Variants in CCDC15 observed in about 807,000 individuals in gnomAD.
CCDC15 encodes coiled-coil domain-containing protein 15.
In CCDC15, 105 loss-of-function variants were observed where a neutral mutation model predicts 114.5. The observed-to-expected ratio is 0.92, with a 90% confidence interval of 0.78 to 1.08. CCDC15 has a LOEUF of 1.08. Among genes scored for constraint, CCDC15 ranks in the 50% least tolerant of loss-of-function variants. The pLI, the probability that CCDC15 is intolerant of heterozygous loss-of-function variation, is 0.00. For synonymous variants in CCDC15, 334 were observed against 377.8 expected (o/e 0.88, Z 1.34); for missense variants, 1,105 against 1,093.6 (o/e 1.01, Z -0.15).
intron 13 of CCDC15, among the ~76,000 whole-genome samples, chr11:125,033,998 G>C (rs1380808768): frequency 6.6e-6 from 1 of 152,194 alleles, no homozygotes; most frequent in Admixed American, 6.5e-5. Context: ...CTAGGAGCCT[G>C]CTAGGACTTT....
At chr11:124,986,700 T>TGTGTGCGCGCGCGC (rs878887902) in intron 6 of CCDC15, 42 bp from the exon 7 acceptor site, 18 of 1,352,952 alleles carry the variant, frequency 1.3e-5, no homozygotes, top group African/African-American at 1.3e-4. Context: ...TTTGTGTGTG[T>TGTGTGCGCGCGCGC]GCGCGCGCGC....
At chr11:125,029,721 G>GT (rs957216416) in intron 13 of CCDC15, among the ~76,000 whole-genome samples, 2 of 152,070 alleles carry the variant, frequency 1.3e-5, no homozygotes, top group African/African-American at 4.8e-5. Flanking sequence ...GAGAGTCTTG[G>GT]TTTTTTTCCT....
At position 124,988,029 on chromosome 11, in the gene CCDC15, C is replaced by T. The variant is rs370955511; in HGVS notation, c.1803C>T (p.Pro601=). ...TTCCTAAAGACCAAAATATTCTACCCATATGTCAGGACCGGGATTTTCTAC... is the reference window on the plus strand; with the variant it reads ...TTCCTAAAGACCAAAATATTCTACCTATATGTCAGGACCGGGATTTTCTAC... The part of the protein sequence containing the change: ...GYLPKDQNIL[P]ICQDRDFLPR... Residue 601 remains proline, a synonymous_variant, in exon 8 of 16, where the codon CCC becomes CCT. Coordinates refer to ENST00000344762, the MANE Select transcript of CCDC15 (RefSeq NM_025004.3). 94 of 1,613,686 alleles carry T rather than the reference C, an allele frequency of 5.8e-5. No individual in the cohort carries two copies. The highest frequency in any genetic ancestry group is 7.8e-5 in the Non-Finnish European group (92 of 1,179,766).
chr11:125,024,072 A>G (rs1330212379), intron 13 of CCDC15, among the ~76,000 whole-genome samples: 3 of 152,138 alleles, frequency 2.0e-5, no homozygotes, highest in Admixed American at 1.3e-4. Flanking sequence ...TGAAAATTGT[A>G]TCTCAACATT....
chr11:125,011,185 T>A (rs1948589089), intron 13 of CCDC15, among the ~76,000 whole-genome samples: 1 of 151,468 alleles, frequency 6.6e-6, no homozygotes, highest in East Asian at 1.9e-4. Context: ...CAAGTTTTCC[T>A]TCATCTTAAT....
chr11:124,978,433 A>G (rs938563632), intron 6 of CCDC15, among the ~76,000 whole-genome samples: 1 of 152,174 alleles, frequency 6.6e-6, no homozygotes, highest in Non-Finnish European at 1.5e-5. Flanking sequence ...TTGAAAAATC[A>G]CCAAACTGCT....
chr11:125,038,522 T>G lies in CCDC15; in HGVS notation c.2503T>G (p.Leu835Val). The G allele has an allele frequency of 1.3e-6, 2 of 1,587,732 alleles. No individual in the cohort carries two copies. Among genetic ancestry groups the G allele is most frequent in the South Asian group, 2.3e-5 (2 of 86,596 alleles). Residue 835 changes from leucine to valine, a missense_variant, in exon 14 of 16, where the codon TTG becomes GTG. Leu to Val is a conservative substitution (Grantham distance 32). Transcript: ENST00000344762. The part of the protein sequence containing the change: ...FHEDPYSGEK[L>V]SEILAQLQLQ... ...TGAAGATCCATATTCAGGAGAGAAG[T>G]TGAGTGAGATATTAGCCCAGTTACA...
chr11:124,984,084 G>A (rs989467872), intron 6 of CCDC15, among the ~76,000 whole-genome samples: 4 of 151,934 alleles, frequency 2.6e-5, no homozygotes, highest in African/African-American at 9.7e-5. Flanking sequence ...ACCATTGCAG[G>A]CAGGGTGCGC....
intron 6 of CCDC15, among the ~76,000 whole-genome samples, chr11:124,981,554 A>C (rs1948072786): frequency 6.6e-6 from 1 of 152,028 alleles, no homozygotes; most frequent in African/African-American, 2.4e-5. Context: ...CATATTGGCC[A>C]GTCTGGCCTT....
At chr11:125,026,557 T>G (rs1041226818) in intron 13 of CCDC15, among the ~76,000 whole-genome samples, 2 of 152,154 alleles carry the variant, frequency 1.3e-5, no homozygotes, top group Admixed American at 1.3e-4. Context: ...AAGGTGCTTT[T>G]TGTAGATAGT....
intron 4 of CCDC15, among the ~76,000 whole-genome samples, chr11:124,971,445 G>C (rs1947879593): frequency 1.3e-5 from 2 of 152,218 alleles, no homozygotes; most frequent in East Asian, 1.9e-4. Flanking sequence ...TGAGTTGACA[G>C]AAGTAGGCTT....
intron 5 of CCDC15, 27 bp downstream of exon 5, chr11:124,975,236 A>T (rs745873835): frequency 2.6e-5 from 34 of 1,311,368 alleles, no homozygotes; most frequent in Middle Eastern, 3.7e-4. Context: ...TACATGATTT[A>T]AAAAAATACA....
intron 13 of CCDC15, among the ~76,000 whole-genome samples, chr11:125,026,133 G>A (rs1948700171): frequency 6.6e-6 from 1 of 152,100 alleles, no homozygotes; most frequent in Non-Finnish European, 1.5e-5. Context: ...ACAGCAATAG[G>A]ACTTGCCCAA....
rs201870626 is a variant in CCDC15, at chr11:124,998,678, A to AT, written c.2215-5180dup. Among the ~76,000 whole-genome samples, 67 of 137,674 alleles carry AT rather than the reference A, an allele frequency of 4.9e-4. 1 individual carries two copies. Among genetic ancestry groups the AT allele is most frequent in the African/African-American group, 1.1e-3 (41 of 37,352 alleles). The allele number at this position is 137,674 out of a possible 152,430, so 90.3% of individuals were successfully genotyped here. A position where few individuals can be genotyped will look rare whatever the true frequency, so the allele number is the denominator to read the frequency against. On this transcript the variant is annotated intron_variant, in intron 11 of 15. Coordinates refer to ENST00000344762, the MANE Select transcript of CCDC15 (RefSeq NM_025004.3). The stretch of plus-strand genomic sequence containing the variant: ...TCCATCTATCTACACTGAAAACTCC[A>AT]TTTTTTTTTGCCTCCAATAATCATA...
chr11:124,999,854 CTTTTTT>C (rs768089942), intron 11 of CCDC15, among the ~76,000 whole-genome samples: 9 of 70,114 alleles, frequency 1.3e-4, no homozygotes, highest in Non-Finnish European at 2.4e-4. Flanking sequence ...GTATCCTAGA[CTTTTTT>C]TTTTTTTTTT....
chr11:124,960,844 C>T (rs982302304), intron 4 of CCDC15, among the ~76,000 whole-genome samples: 1 of 151,964 alleles, frequency 6.6e-6, no homozygotes, highest in Admixed American at 6.6e-5. Flanking sequence ...TGTTCTTCAT[C>T]TTATTTAAAA....
At chr11:124,991,035 A>T (rs1346336966) in intron 8 of CCDC15, among the ~76,000 whole-genome samples, 1 of 152,250 alleles carries the variant, frequency 6.6e-6, no homozygotes, top group Non-Finnish European at 1.5e-5. Flanking sequence ...ACTAAAACCT[A>T]AAGTCTTAAC....
chr11:125,025,732 TAAG>T (rs1202228098), intron 13 of CCDC15, among the ~76,000 whole-genome samples: 3 of 152,100 alleles, frequency 2.0e-5, no homozygotes, highest in Non-Finnish European at 4.4e-5. Context: ...TTATTGATGT[TAAG>T]AACTTTATTA....
chr11:124,995,899 C>G (rs1176289324), intron 11 of CCDC15, among the ~76,000 whole-genome samples: 1 of 151,726 alleles, frequency 6.6e-6, no homozygotes, highest in East Asian at 1.9e-4. Flanking sequence ...TGCGCAATCT[C>G]AGCTCACTGC....
Sources: allele counts gnomAD v4.1 joint callset (sites outside exome capture counted in the v4.1 genomes callset), GRCh38; gene constraint gnomAD v4.1.1; transcripts MANE v1.5; gene names NCBI Gene and HGNC (gene_info 2026-07-23, HGNC 2026-07-21).